MLLT10: variants seen among roughly 807,000 people sequenced by gnomAD.
The protein encoded by MLLT10 is protein AF-10.
Under a neutral mutation model 129.1 loss-of-function variants are expected in MLLT10, and 30 were observed. The ratio of observed to expected loss-of-function variants is 0.23; its 90% CI spans 0.17 to 0.32. The LOEUF (loss-of-function observed/expected upper bound fraction) is 0.32, where lower values mean the gene tolerates loss of function less well. Ranked by LOEUF, MLLT10 falls within the 10% of genes least tolerant of loss-of-function variation. MLLT10 has a pLI of 1.00. For synonymous variants in MLLT10, 490 were observed against 446.4 expected (o/e 1.10, Z -1.23); for missense variants, 1,119 against 1,268.3 (o/e 0.88, Z 1.79).
intron 5 of MLLT10, among the ~76,000 whole-genome samples, chr10:21,601,955 C>T (rs1371716915): frequency 6.6e-6 from 1 of 152,108 alleles, no homozygotes; most frequent in Non-Finnish European, 1.5e-5. Context: ...TTTACAAAAA[C>T]TGATACTTCA....
At chr10:21,547,360 C>T (rs932610601) in intron 3 of MLLT10, among the ~76,000 whole-genome samples, 34 of 151,026 alleles carry the variant, frequency 2.3e-4, no homozygotes, top group Non-Finnish European at 2.9e-4. Flanking sequence ...CTTTTTCCCT[C>T]GCACAATCTA....
intron 3 of MLLT10, among the ~76,000 whole-genome samples, chr10:21,540,247 T>C (rs1361280759): frequency 6.6e-6 from 1 of 151,944 alleles, no homozygotes; most frequent in African/African-American, 2.4e-5. Context: ...AAAAATTAAC[T>C]GGATGTGGCA....
At chr10:21,673,315 C>CCCA in intron 10 of MLLT10, 35 bp from the exon 11 acceptor site, 4 of 616,706 alleles carry the variant, frequency 6.5e-6, no homozygotes, top group East Asian at 4.3e-5. Context: ...CCCCACCCCC[C>CCCA]AACTTTTTTT....
At chr10:21,714,036 T>C in intron 14 of MLLT10, 86 bp downstream of exon 14, 2 of 1,136,310 alleles carry the variant, frequency 1.8e-6, no homozygotes, top group East Asian at 2.6e-5. Context: ...ACAAATGACA[T>C]AGGGCCTTCT....
At chr10:21,544,262 T>C (rs995311656) in intron 3 of MLLT10, among the ~76,000 whole-genome samples, 2 of 152,202 alleles carry the variant, frequency 1.3e-5, no homozygotes, top group African/African-American at 4.8e-5. Flanking sequence ...CTCCTGATAT[T>C]TTCCATCTCC....
rs1456297845 is a variant in MLLT10, at chr10:21,704,009, GTTTTTTGTTTTTT to G, written c.1700-9756_1700-9744del. Among the ~76,000 whole-genome samples, 5 of 49,304 alleles carry G rather than the reference GTTTTTTGTTTTTT, an allele frequency of 1.0e-4. 1 individual carries two copies. The highest frequency in any genetic ancestry group is 2.8e-4 in the African/African-American group (4 of 14,518). 32.3% of individuals were successfully genotyped at this position (49,304 alleles called of 152,430 possible). ...TCTGAATACATTTTGGATTTCGATTGTTTTTTGTTTTTTTTTTTTTTTTTTTTTTTGATGGAGT... is the reference window on the plus strand; with the variant it reads ...TCTGAATACATTTTGGATTTCGATTGTTTTTTTTTTTTTTTTTGATGGAGT... On this transcript the variant is annotated intron_variant, in intron 13 of 22. Coordinates refer to ENST00000307729, the MANE Select transcript of MLLT10 (RefSeq NM_001195626.3).
At chr10:21,591,196 A>G (rs1201854458) in intron 4 of MLLT10, among the ~76,000 whole-genome samples, 1 of 152,066 alleles carries the variant, frequency 6.6e-6, no homozygotes, top group Non-Finnish European at 1.5e-5. Context: ...GGCTGGGACT[A>G]CACGTGCACG....
chr10:21,541,934 A>G (rs570901725), intron 3 of MLLT10, among the ~76,000 whole-genome samples: 19 of 152,286 alleles, frequency 1.2e-4, no homozygotes, highest in African/African-American at 4.6e-4. Context: ...CAATCATAGA[A>G]AGTTTGGGAC....
chr10:21,549,652 T>C (rs1173993828), intron 3 of MLLT10, among the ~76,000 whole-genome samples: 1 of 148,576 alleles, frequency 6.7e-6, no homozygotes. Context: ...TCTAACTGAG[T>C]TGTACTCTTT....
intron 13 of MLLT10, among the ~76,000 whole-genome samples, chr10:21,699,722 A>G (rs1020205861): frequency 2.7e-5 from 4 of 149,426 alleles, no homozygotes; most frequent in Non-Finnish European, 5.9e-5. Context: ...TGGGTTCTCT[A>G]TTCTGTTTCA....
chr10:21,560,598 C>T (rs2038684003), intron 3 of MLLT10, among the ~76,000 whole-genome samples: 1 of 151,996 alleles, frequency 6.6e-6, no homozygotes, highest in African/African-American at 2.4e-5. Flanking sequence ...ACCACCACCA[C>T]CACCACCACC....
At chr10:21,672,682 T>C (rs948819219) in intron 10 of MLLT10, among the ~76,000 whole-genome samples, 4 of 152,198 alleles carry the variant, frequency 2.6e-5, no homozygotes, top group Non-Finnish European at 5.9e-5. Flanking sequence ...ATGGCTGATT[T>C]CTTTATGAAG....
At chr10:21,726,404 T>G (rs1294990594) in intron 15 of MLLT10, 49 bp downstream of exon 15, 1 of 1,338,940 alleles carries the variant, frequency 7.5e-7, no homozygotes, top group Admixed American at 1.8e-5. Flanking sequence ...TCACCTACTT[T>G]AATTTTTTTC....
intron 5 of MLLT10, among the ~76,000 whole-genome samples, chr10:21,599,190 A>T (rs2043285181): frequency 6.7e-6 from 1 of 148,998 alleles, no homozygotes. Flanking sequence ...AAAAAAAAAA[A>T]AATTAGCTGG....
intron 13 of MLLT10, among the ~76,000 whole-genome samples, chr10:21,683,071 G>C (rs1323396823): frequency 6.6e-6 from 1 of 152,002 alleles, no homozygotes; most frequent in Non-Finnish European, 1.5e-5. Context: ...TGCATATTTT[G>C]CTAATGTATT....
At chr10:21,642,669 A>AT (rs2048131874) in intron 8 of MLLT10, among the ~76,000 whole-genome samples, 1 of 151,890 alleles carries the variant, frequency 6.6e-6, no homozygotes, top group East Asian at 1.9e-4. Context: ...AAAAAAAAAA[A>AT]AAAGAAAAGA....
intron 13 of MLLT10, chr10:21,688,656 G>A: frequency 2.9e-6 from 2 of 700,180 alleles, no homozygotes; most frequent in Non-Finnish European, 4.5e-6. Flanking sequence ...AAAAAAAAAT[G>A]ATGCCTGAAA....
At chr10:21,662,352 A>G (rs1589498108) in intron 9 of MLLT10, among the ~76,000 whole-genome samples, 1 of 151,852 alleles carries the variant, frequency 6.6e-6, no homozygotes, top group Non-Finnish European at 1.5e-5. Flanking sequence ...TAACTATGTC[A>G]TGTGTTTTGT....
At chr10:21,659,232 A>G (rs2049921840) in intron 9 of MLLT10, among the ~76,000 whole-genome samples, 1 of 152,066 alleles carries the variant, frequency 6.6e-6, no homozygotes. Context: ...GTTTTCTTTT[A>G]CAAGCTTTTA....
Sources: gnomAD v4.1 joint callset for allele counts (sites outside exome capture counted in the v4.1 genomes callset) on GRCh38, gnomAD v4.1.1 for gene constraint, MANE v1.5 for transcripts, NCBI Gene and HGNC (gene_info 2026-07-23, HGNC 2026-07-21) for gene names.